Variants in SLC39A14 observed in about 807,000 individuals in gnomAD.
SLC39A14 encodes metal cation symporter ZIP14.
A neutral mutation model predicts 45.5 loss-of-function variants in SLC39A14; 19 were observed. That is an observed-to-expected ratio of 0.42 (90% CI 0.29 to 0.61). The LOEUF (loss-of-function observed/expected upper bound fraction) is 0.61, where lower values mean the gene tolerates loss of function less well. Ranked by LOEUF, SLC39A14 falls within the 20% of genes least tolerant of loss-of-function variation. The pLI is 0.22. For missense variants in SLC39A14, 447 were observed against 616.5 expected (o/e 0.73, Z 2.91); for synonymous variants, 264 against 251.3 (o/e 1.05, Z -0.48).
Position 22,398,646 on chromosome 8 carries a change from C to T in SLC39A14, c.-15-6050C>T, listed in dbSNP as rs901319764. The T allele has an allele frequency of 2.9e-5, 26 of 882,224 alleles. No homozygotes were observed. In the African/African-American group the frequency reaches 4.3e-4, roughly 15 times the overall value. The allele number at this position is 882,224 out of a possible 1,614,324, so 54.6% of individuals were successfully genotyped here. ...CTCATATCTATGCCCAACCTCTAGA[C>T]CCAGCGTCACAGAAGTGAATGTTTG... On this transcript the variant is annotated intron_variant, in intron 1 of 8. Transcript: ENST00000381237.
chr8:22,415,717 G>C lies in SLC39A14; in HGVS notation c.751-52G>C, dbSNP rs1358291347. ...CTTCCTTGGAGCAGGTGCTCAATCA[G>C]GTTTGTGGTTTTGGTGAATGTCATG... On this transcript the variant is annotated intron_variant, in intron 5 of 8. Coordinates refer to ENST00000381237, the MANE Select transcript of SLC39A14 (RefSeq NM_001128431.4). The C allele has an allele frequency of 4.5e-6, 7 of 1,560,990 alleles. No individual in the cohort carries two copies. The African/African-American group carries it at 8.2e-5, about 18-fold the overall frequency.
At chr8:22,393,162 T>G (rs1834175183) in intron 1 of SLC39A14, 1 of 983,496 alleles carries the variant, frequency 1.0e-6, no homozygotes, top group Non-Finnish European at 1.2e-6. Context: ...TGGGTGCGCT[T>G]TGACTGTGCC....
At chr8:22,396,289 C>T (rs533401151) in intron 1 of SLC39A14, among the ~76,000 whole-genome samples, 4 of 150,362 alleles carry the variant, frequency 2.7e-5, no homozygotes, top group African/African-American at 9.8e-5. Context: ...ATCGCTTGAA[C>T]CCGGGAGGCG....
chr8:22,433,164 A>G (rs1253678707), intron 8 of SLC39A14, among the ~76,000 whole-genome samples: 2 of 152,076 alleles, frequency 1.3e-5, no homozygotes, highest in East Asian at 3.9e-4. Context: ...AAGATAAAGA[A>G]ATTTTTTTTA....
intron 3 of SLC39A14, among the ~76,000 whole-genome samples, chr8:22,410,664 A>C (rs1253870495): frequency 1.3e-5 from 2 of 152,234 alleles, no homozygotes; most frequent in African/African-American, 4.8e-5. Context: ...AATTAAAATG[A>C]CAAGATAAAT....
chr8:22,408,629 G>A, intron 3 of SLC39A14, 133 bp downstream of exon 3: 1 of 788,892 alleles, frequency 1.3e-6, no homozygotes, highest in South Asian at 2.0e-5. Flanking sequence ...GTCGGTGTCA[G>A]GAGCGGGAGC....
chr8:22,369,583 A>G (rs1211717308), intron 1 of SLC39A14, among the ~76,000 whole-genome samples: 2 of 152,322 alleles, frequency 1.3e-5, no homozygotes, highest in African/African-American at 4.8e-5. Flanking sequence ...ACAAGATAGC[A>G]ACACAAGAGA....
chr8:22,398,926 G>A (rs1243728500), intron 1 of SLC39A14: 5 of 171,060 alleles, frequency 2.9e-5, no homozygotes, highest in African/African-American at 4.8e-5. Flanking sequence ...TGGGTCTGGC[G>A]CCTTAGACAC....
At chr8:22,412,624 T>A (rs754225605) in intron 4 of SLC39A14, among the ~76,000 whole-genome samples, 1 of 152,036 alleles carries the variant, frequency 6.6e-6, no homozygotes, top group Non-Finnish European at 1.5e-5. Flanking sequence ...GTGCTCAGAT[T>A]AAGGCTTTGG....
At chr8:22,408,525 A>C (rs779604913) in intron 3 of SLC39A14, 29 bp downstream of exon 3, 1 of 1,595,130 alleles carries the variant, frequency 6.3e-7, no homozygotes, top group Non-Finnish European at 8.5e-7. Context: ...GCAGGAGCCC[A>C]TCTCCCATCT....
At chr8:22,395,064 C>G (rs1354477698) in intron 1 of SLC39A14, among the ~76,000 whole-genome samples, 1 of 151,296 alleles carries the variant, frequency 6.6e-6, no homozygotes. Context: ...GCCTGGAGTG[C>G]AGTGGTGCAA....
At chr8:22,405,911 GTGT>G (rs1297443657) in intron 2 of SLC39A14, among the ~76,000 whole-genome samples, 1 of 152,202 alleles carries the variant, frequency 6.6e-6, no homozygotes, top group Non-Finnish European at 1.5e-5. Flanking sequence ...CCCTGTGCTG[GTGT>G]TGTGAGAAAT....
chr8:22,419,933 T>C lies in SLC39A14; in HGVS notation c.*235T>C, dbSNP rs118043727. 7.3e-3 allele frequency: 8,832 copies of C among 1,216,106 alleles called. 43 individuals are homozygous for C. The highest frequency in any genetic ancestry group is 8.4e-3 in the Non-Finnish European group (8,198 of 975,922). 75.3% of individuals were successfully genotyped at this position (1,216,106 alleles called of 1,614,324 possible). ...CTTGCCCTCTCCTCACCTCCTTTTCTCTCAGTGACTCTGGAACCTGAATGC... is the reference window on the plus strand; with the variant it reads ...CTTGCCCTCTCCTCACCTCCTTTTCCCTCAGTGACTCTGGAACCTGAATGC... On this transcript the variant is annotated 3_prime_UTR_variant, in exon 9 of 9. Coordinates refer to ENST00000381237, the MANE Select transcript of SLC39A14 (RefSeq NM_001128431.4).
intron 1 of SLC39A14, among the ~76,000 whole-genome samples, chr8:22,397,047 TAA>T (rs1160846999): frequency 6.6e-6 from 1 of 152,200 alleles, no homozygotes; most frequent in African/African-American, 2.4e-5. Flanking sequence ...TTTTTCATCT[TAA>T]GTCTTTAGTG....
chr8:22,432,232 T>C (rs1468633513), intron 8 of SLC39A14, among the ~76,000 whole-genome samples: 1 of 151,940 alleles, frequency 6.6e-6, no homozygotes, highest in Non-Finnish European at 1.5e-5. Flanking sequence ...CTTGGGAGGC[T>C]GAGGTTAGAG....
rs1231820062 is a variant in SLC39A14 at position 22,412,020 on chromosome 8, C to T, written c.458-17C>T. 2 of 1,546,554 alleles carry T rather than the reference C, an allele frequency of 1.3e-6. No individual in the cohort carries two copies. Among genetic ancestry groups the T allele is most frequent in the Non-Finnish European group, 8.7e-7 (1 of 1,145,278 alleles). ...CTCCCTGCCCTGGGTGGGGCTGGCC[C>T]TCCCTCCGCACGGCAGTGTGGGGAT... On this transcript the variant is annotated splice_polypyrimidine_tract_variant and intron_variant, in intron 3 of 8. Transcript: ENST00000381237.
At chr8:22,390,429 C>T (rs1834006149) in intron 1 of SLC39A14, 1 of 151,836 alleles carries the variant, frequency 6.6e-6, no homozygotes, top group African/African-American at 2.4e-5. Context: ...CCTCAGCCTC[C>T]CGAATAGCTG....
intron 3 of SLC39A14, among the ~76,000 whole-genome samples, chr8:22,411,671 G>A (rs1471819075): frequency 6.6e-6 from 1 of 152,204 alleles, no homozygotes; most frequent in African/African-American, 2.4e-5. Flanking sequence ...GGCAGACCTT[G>A]GGTGTGTGAC....
At chr8:22,428,005 A>T (rs772289574) in intron 8 of SLC39A14, among the ~76,000 whole-genome samples, 2 of 152,258 alleles carry the variant, frequency 1.3e-5, no homozygotes, top group East Asian at 1.9e-4. Context: ...TCTCTATAAA[A>T]AATAAAAATC....
Sources: gnomAD v4.1 joint callset for allele counts (sites outside exome capture counted in the v4.1 genomes callset) on GRCh38, gnomAD v4.1.1 for gene constraint, MANE v1.5 for transcripts, NCBI Gene and HGNC (gene_info 2026-07-23, HGNC 2026-07-21) for gene names.